The following SMOX variants were observed in gnomAD, a reference collection of about 807,000 sequenced individuals.
SMOX encodes the protein spermine oxidase.
A neutral mutation model predicts 51.0 loss-of-function variants in SMOX; 22 were observed. That is an observed-to-expected ratio of 0.43 (90% CI 0.31 to 0.62). SMOX has a LOEUF of 0.62. SMOX is among the 20% of genes least tolerant of loss of function. The pLI is 0.10. For missense variants in SMOX, 566 were observed against 777.7 expected (o/e 0.73, Z 3.24); for synonymous variants, 282 against 307.8 (o/e 0.92, Z 0.88).
chr20:4,150,719 G>T (rs1985697078), intron 1 of SMOX, among the ~76,000 whole-genome samples: 2 of 151,398 alleles, frequency 1.3e-5, no homozygotes, highest in South Asian at 4.2e-4. Context: ...CCCATCTGAT[G>T]ATTTATGATG....
intron 1 of SMOX, among the ~76,000 whole-genome samples, chr20:4,168,242 G>A (rs1193864210): frequency 6.6e-6 from 1 of 152,116 alleles, no homozygotes; most frequent in East Asian, 1.9e-4. Flanking sequence ...CAAGTGAGCT[G>A]TCCCCTGCTG....
At chr20:4,162,487 C>T (rs1236383005) in intron 1 of SMOX, among the ~76,000 whole-genome samples, 1 of 152,200 alleles carries the variant, frequency 6.6e-6, no homozygotes, top group Non-Finnish European at 1.5e-5. Flanking sequence ...TGGGAATTTC[C>T]ACCCCCTCTT....
intron 1 of SMOX, among the ~76,000 whole-genome samples, chr20:4,157,830 A>C (rs2122394421): frequency 6.6e-6 from 1 of 151,780 alleles, no homozygotes; most frequent in South Asian, 2.1e-4. Flanking sequence ...CCTCTGCCAC[A>C]CCTCCTTTCC....
At position 4,183,578 on chromosome 20, in the gene SMOX, C is replaced by T. The variant is rs764313286; in HGVS notation, c.1454C>T (p.Thr485Met). The T allele has an allele frequency of 1.2e-6, 2 of 1,613,338 alleles. No individual in the cohort carries two copies. The highest frequency in any genetic ancestry group is 1.1e-5 in the South Asian group (1 of 90,984). The change falls in exon 6 of 7, where the codon ACG (threonine) becomes ATG (methionine). Residue 485 changes from threonine (T) to methionine (M), a missense_variant. Physicochemically the swap from Thr to Met is moderately conservative, Grantham distance 81 (BLOSUM62 -1). Transcript: ENST00000305958. This position sits in a 1 kb window ranked among gnomAD's most constrained non-coding sequence, Gnocchi z 4.3. Reference protein sequence around the residue: ...NPYFRGSYSYTQVGSSGADVE... With the variant: ...NPYFRGSYSYMQVGSSGADVE... ...TACTTCCGCGGCTCCTATTCATACA[C>T]GCAGGTGGGCTCCAGCGGGGCGGAT...
At chr20:4,173,286 C>T (rs1013731640) in intron 1 of SMOX, among the ~76,000 whole-genome samples, 1 of 152,180 alleles carries the variant, frequency 6.6e-6, no homozygotes, top group Non-Finnish European at 1.5e-5. Context: ...ATTGGGTTTG[C>T]CTCTTCCTGA....
chr20:4,170,056 A>T lies in SMOX; in HGVS notation c.-26-4974A>T, dbSNP rs140074373. 1.9e-4 allele frequency among the ~76,000 whole-genome samples: 28 copies of T among 150,744 alleles called. No homozygotes were observed. The highest frequency in any genetic ancestry group is 6.6e-4 in the African/African-American group (27 of 41,060). ...TAGTAGGTGCTCAGTGAATTGCTAA[A>T]TTATATTCCCTGGCCAGCGAGATGC... On this transcript the variant is annotated intron_variant, in intron 1 of 6. Transcript: ENST00000305958. The surrounding 1 kb of genome is among the most constrained non-coding windows in gnomAD (Gnocchi z 4.6).
chr20:4,177,355 C>G lies in SMOX; in HGVS notation c.213C>G (p.His71Gln), dbSNP rs370365021. ...GGRVQSVKLGHATFELGATWI... is the reference protein window; with the variant it reads ...GGRVQSVKLGQATFELGATWI... ...GCCTGCTGTTGTCACCCTCAGGACA[C>G]GCCACCTTTGAGCTGGGAGCCACCT... Residue 71 changes from histidine (H) to glutamine (Q), a missense_variant, in exon 3 of 7, where the codon CAC (histidine) becomes CAG (glutamine). Transcript: ENST00000305958. This position sits in a 1 kb window ranked among gnomAD's most constrained non-coding sequence, Gnocchi z 4.3. The G allele has an allele frequency of 6.4e-7, 1 of 1,552,016 alleles. No individual in the cohort carries two copies.
intron 1 of SMOX, among the ~76,000 whole-genome samples, chr20:4,165,470 A>T (rs2122462268): frequency 6.6e-6 from 1 of 152,282 alleles, no homozygotes; most frequent in Admixed American, 6.5e-5. Context: ...AAAGCACTGG[A>T]ATTACAGGCA....
chr20:4,177,382 G>A lies in SMOX; in HGVS notation c.240G>A (p.Trp80Ter). 1 of 1,553,664 alleles carries A rather than the reference G, an allele frequency of 6.4e-7. No homozygotes were observed. Among genetic ancestry groups the A allele is most frequent in the Non-Finnish European group, 8.7e-7 (1 of 1,147,994 alleles). ...CCACCTTTGAGCTGGGAGCCACCTGGATCCATGGCTCCCATGGGAACCCTA... is the reference window on the plus strand; with the variant it reads ...CCACCTTTGAGCTGGGAGCCACCTGAATCCATGGCTCCCATGGGAACCCTA... The part of the protein sequence containing the change: ...GHATFELGAT[W>*]IHGSHGNPIY... The change falls in exon 3 of 7, where the codon TGG becomes TGA. Residue 80 changes from tryptophan (W) to a stop codon, truncating the protein, a stop_gained. Coordinates refer to ENST00000305958, the MANE Select transcript of SMOX (RefSeq NM_175839.3). LOFTEE classifies it high-confidence loss of function. This position sits in a 1 kb window ranked among gnomAD's most constrained non-coding sequence, Gnocchi z 4.3.
chr20:4,160,341 A>G (rs1470590885), intron 1 of SMOX, among the ~76,000 whole-genome samples: 1 of 152,134 alleles, frequency 6.6e-6, no homozygotes, highest in African/African-American at 2.4e-5. Flanking sequence ...GAGGAGTAAG[A>G]TGGGAGAATC....
intron 3 of SMOX, among the ~76,000 whole-genome samples, chr20:4,179,971 G>A (rs1434529463): frequency 6.6e-6 from 1 of 152,206 alleles, no homozygotes; most frequent in African/African-American, 2.4e-5. Context: ...GTTGGTGGCT[G>A]ATGCAAAGAG....
In SMOX at chr20:4,153,671, G is replaced by C. The variant is rs1022610622; in HGVS notation, c.-27+4694G>C. ...TGCCAGCCTCCTAGGAAGAGAGGGA[G>C]GCAGGGTTAGTGGAAACTGAGGCAC... On this transcript the variant is annotated intron_variant, in intron 1 of 6. Transcript: ENST00000305958. This position sits in a 1 kb window ranked among gnomAD's most constrained non-coding sequence, Gnocchi z 4.4. Among the ~76,000 whole-genome samples, 2 of 152,186 alleles carry C rather than the reference G, an allele frequency of 1.3e-5. No homozygotes were observed. The highest frequency in any genetic ancestry group is 4.8e-5 in the African/African-American group (2 of 41,458).
In SMOX at chr20:4,166,535, G is replaced by A. The variant is rs997401549; in HGVS notation, c.-26-8495G>A. 1.3e-5 allele frequency among the ~76,000 whole-genome samples: 2 copies of A among 152,276 alleles called. No individual in the cohort carries two copies. The highest frequency in any genetic ancestry group is 1.9e-4 in the East Asian group (1 of 5,180). On this transcript the variant is annotated intron_variant, in intron 1 of 6. Coordinates refer to ENST00000305958, the MANE Select transcript of SMOX (RefSeq NM_175839.3). This position sits in a 1 kb window ranked among gnomAD's most constrained non-coding sequence, Gnocchi z 4.2. ...CCCAGCCTCTCTGGCTTCTTTCTGA[G>A]CTTTCTTCCCCTCCTCCACCCCCAG...
At chr20:4,185,931 AAC>A (rs555136293) in intron 6 of SMOX, among the ~76,000 whole-genome samples, 1 of 149,374 alleles carries the variant, frequency 6.7e-6, no homozygotes, top group Non-Finnish European at 1.5e-5. Flanking sequence ...TGGCGCCCTA[AAC>A]ACACACACAC....
In SMOX at chr20:4,181,831, G is replaced by A. The variant is rs144934870; in HGVS notation, c.464G>A (p.Arg155Gln). The change falls in exon 4 of 7, where the codon CGG (arginine) becomes CAG (glutamine). Residue 155 changes from arginine (R) to glutamine (Q), a missense_variant. Coordinates refer to ENST00000305958, the MANE Select transcript of SMOX (RefSeq NM_175839.3). This position sits in a 1 kb window ranked among gnomAD's most constrained non-coding sequence, Gnocchi z 5.6. ...TATAACTTGACCCAGGAGTTCTTCCGGCACGATAAACCAGTCAATGCTGAA... is the reference window on the plus strand; with the variant it reads ...TATAACTTGACCCAGGAGTTCTTCCAGCACGATAAACCAGTCAATGCTGAA... Reference protein sequence around the residue: ...EVYNLTQEFFRHDKPVNAESQ... With the variant: ...EVYNLTQEFFQHDKPVNAESQ... 68 of 1,613,944 alleles carry A rather than the reference G, an allele frequency of 4.2e-5. No individual in the cohort carries two copies. The highest frequency in any genetic ancestry group is 5.5e-5 in the Non-Finnish European group (65 of 1,180,014).
At position 4,182,477 on chromosome 20, in the gene SMOX, C is replaced by T. The variant is rs761835699; in HGVS notation, c.998C>T (p.Ser333Leu). Reference protein sequence around the residue: ...IPADHVIVTVSLGVLKRQYTS... With the variant: ...IPADHVIVTVLLGVLKRQYTS... ...GCGGACCATGTGATTGTGACCGTGTCGCTAGGTGTGCTAAAGAGGCAGTAC... is the reference window on the plus strand; with the variant it reads ...GCGGACCATGTGATTGTGACCGTGTTGCTAGGTGTGCTAAAGAGGCAGTAC... Residue 333 changes from serine (S) to leucine (L), a missense_variant, in exon 5 of 7, where the codon TCG (serine) becomes TTG (leucine). Coordinates refer to ENST00000305958, the MANE Select transcript of SMOX (RefSeq NM_175839.3). This position sits in a 1 kb window ranked among gnomAD's most constrained non-coding sequence, Gnocchi z 8.4. The T allele has an allele frequency of 5.0e-6, 8 of 1,600,174 alleles. No individual in the cohort carries two copies. Among genetic ancestry groups the T allele is most frequent in the Non-Finnish European group, 5.1e-6 (6 of 1,172,362 alleles).
At chr20:4,156,010 G>A (rs993181356) in intron 1 of SMOX, among the ~76,000 whole-genome samples, 12 of 152,172 alleles carry the variant, frequency 7.9e-5, no homozygotes, top group African/African-American at 2.2e-4. Flanking sequence ...GGGCCAGGCC[G>A]TCCTGCGGGA....
intron 1 of SMOX, among the ~76,000 whole-genome samples, chr20:4,168,881 C>CTTTAT (rs1306934284): frequency 4.1e-5 from 6 of 144,636 alleles, no homozygotes; most frequent in Admixed American, 1.4e-4. Context: ...AAAATTAATG[C>CTTTAT]TCTATTTTAT....
In SMOX at chr20:4,182,879, C is replaced by T. The variant is rs777034929; in HGVS notation, c.1369+31C>T. 1 of 1,581,354 alleles carries T rather than the reference C, an allele frequency of 6.3e-7. No individual in the cohort carries two copies. Among genetic ancestry groups the T allele is most frequent in the South Asian group, 1.1e-5 (1 of 88,080 alleles). On this transcript the variant is annotated intron_variant, in intron 5 of 6. Transcript: ENST00000305958. The surrounding 1 kb of genome is among the most constrained non-coding windows in gnomAD (Gnocchi z 8.4). ...CCACGTGCCCCACGACCCGCTTCCC[C>T]CACCCTGCTTCTTCCTCACCTGCCC...
Sources: allele counts gnomAD v4.1 joint callset (sites outside exome capture counted in the v4.1 genomes callset), GRCh38; gene constraint gnomAD v4.1.1; non-coding constraint Gnocchi (gnomAD v3.1); transcripts MANE v1.5; gene names NCBI Gene and HGNC (gene_info 2026-07-23, HGNC 2026-07-21).